The following GPHN variants were observed in gnomAD, a reference collection of about 807,000 sequenced individuals.
GPHN encodes gephyrin.
In GPHN, 17 loss-of-function variants were observed where a neutral mutation model predicts 95.5. The ratio of observed to expected loss-of-function variants is 0.18; its 90% CI spans 0.12 to 0.27. The LOEUF (loss-of-function observed/expected upper bound fraction) is 0.27, where lower values mean the gene tolerates loss of function less well. Among genes scored for constraint, GPHN ranks in the 10% least tolerant of loss-of-function variants. The pLI is 1.00. For synonymous variants in GPHN, 320 were observed against 322.5 expected, an observed-to-expected ratio of 0.99 and a Z score of 0.08; for missense variants, 660 against 978.1, an observed-to-expected ratio of 0.67 and a Z score of 4.34.
the GPHN span, among the ~76,000 whole-genome samples, chr14:67,554,442 C>T: frequency 5.3e-5 from 8 of 152,172 alleles, no homozygotes; most frequent in Non-Finnish European, 8.8e-5. Flanking sequence ...TGTCCAGCCT[C>T]GTGGAAGGCG....
At chr14:67,603,602 C>T in the GPHN span, among the ~76,000 whole-genome samples, 1 of 152,210 alleles carries the variant, frequency 6.6e-6, no homozygotes, top group Non-Finnish European at 1.5e-5. Context: ...TTCCTGTTGC[C>T]TTGGCCTCCT....
chr14:67,193,113 T>C, the GPHN span, among the ~76,000 whole-genome samples: 84 of 142,154 alleles, frequency 5.9e-4, no homozygotes, highest in African/African-American at 1.9e-3. Context: ...TCTATATAGA[T>C]ATCTCTCTAT....
the GPHN span, among the ~76,000 whole-genome samples, chr14:67,445,857 C>T: frequency 7.2e-5 from 11 of 152,166 alleles, no homozygotes; most frequent in African/African-American, 2.6e-4. Flanking sequence ...AAGGTGCTGG[C>T]ATTAGAGGCA....
the GPHN span, among the ~76,000 whole-genome samples, chr14:67,252,449 T>C: frequency 6.6e-6 from 1 of 152,140 alleles, no homozygotes; most frequent in Non-Finnish European, 1.5e-5. Flanking sequence ...GCCACCGTGC[T>C]CAGCATTTAG....
chr14:66,772,722 C>G (rs1245097466), intron 2 of GPHN, among the ~76,000 whole-genome samples: 2 of 152,056 alleles, frequency 1.3e-5, no homozygotes, highest in South Asian at 4.2e-4. Flanking sequence ...ATCACCTCAG[C>G]CCTGTTATTT....
chr14:67,389,775 CTT>C, the GPHN span, among the ~76,000 whole-genome samples: 1,786 of 137,318 alleles, frequency 0.013, 32 homozygotes, highest in African/African-American at 0.04. Flanking sequence ...TGTTTTTTTT[CTT>C]TTTTTTTTTT....
intron 4 of GPHN, among the ~76,000 whole-genome samples, chr14:66,868,038 A>G (rs2063293056): frequency 2.0e-5 from 3 of 152,222 alleles, no homozygotes; most frequent in Admixed American, 1.3e-4. Context: ...CAAGGCTTCT[A>G]GAAGATTCTG....
intron 1 of GPHN, among the ~76,000 whole-genome samples, chr14:66,672,388 T>C (rs551450313): frequency 6.6e-6 from 1 of 152,296 alleles, no homozygotes; most frequent in East Asian, 1.9e-4. Flanking sequence ...TCTGCTTTTA[T>C]TGGATGAAGT....
At chr14:67,135,123 C>G (rs1261408485) in intron 17 of GPHN, among the ~76,000 whole-genome samples, 1 of 151,860 alleles carries the variant, frequency 6.6e-6, no homozygotes, top group African/African-American at 2.4e-5. Flanking sequence ...CCACACCCAA[C>G]TAATTTTTAT....
At chr14:66,577,424 T>C (rs2140425729) in intron 1 of GPHN, among the ~76,000 whole-genome samples, 1 of 152,276 alleles carries the variant, frequency 6.6e-6, no homozygotes, top group Admixed American at 6.5e-5. Flanking sequence ...CAGTGCTTCT[T>C]AAGTTTCAGT....
intron 1 of GPHN, among the ~76,000 whole-genome samples, chr14:66,659,081 T>A (rs117054137): frequency 0.012 from 1,840 of 152,178 alleles, 20 homozygotes; most frequent in Non-Finnish European, 0.018. Flanking sequence ...TATTGCTATA[T>A]TGTCCGTATA....
intron 4 of GPHN, among the ~76,000 whole-genome samples, chr14:66,874,371 C>T (rs918806717): frequency 2.6e-5 from 4 of 152,262 alleles, no homozygotes; most frequent in Admixed American, 6.5e-5. Flanking sequence ...CACAACTCCT[C>T]GCCAGCAAGG....
At chr14:67,287,004 G>A in the GPHN span, among the ~76,000 whole-genome samples, 151 of 152,248 alleles carry the variant, frequency 9.9e-4, no homozygotes, top group African/African-American at 3.3e-3. Flanking sequence ...GATCACTTGA[G>A]TCCAGGAGTT....
chr14:66,982,848 A>G (rs1332971823), intron 9 of GPHN, among the ~76,000 whole-genome samples: 1 of 152,188 alleles, frequency 6.6e-6, no homozygotes, highest in African/African-American at 2.4e-5. Flanking sequence ...AGTATGAATA[A>G]AAATAGCTAA....
chr14:67,283,348 T>C, the GPHN span, among the ~76,000 whole-genome samples: 1 of 152,224 alleles, frequency 6.6e-6, no homozygotes, highest in African/African-American at 2.4e-5. Flanking sequence ...CTTTCAGATT[T>C]CATTCTGGCA....
chr14:66,858,416 G>T (rs559887467), intron 4 of GPHN, among the ~76,000 whole-genome samples: 3 of 151,910 alleles, frequency 2.0e-5, no homozygotes, highest in African/African-American at 7.2e-5. Flanking sequence ...CACACCCTGG[G>T]CCAGAAGGGA....
chr14:66,650,662 T>C (rs1029230157), intron 1 of GPHN, among the ~76,000 whole-genome samples: 4 of 152,200 alleles, frequency 2.6e-5, no homozygotes, highest in African/African-American at 7.2e-5. Context: ...ATGCTTGTTT[T>C]TGTATGATGT....
chr14:66,913,809 A>C (rs2065787310), intron 5 of GPHN, among the ~76,000 whole-genome samples: 1 of 152,186 alleles, frequency 6.6e-6, no homozygotes, highest in Non-Finnish European at 1.5e-5. Flanking sequence ...TATTTGATAA[A>C]TATTGGAATA....
At chr14:66,733,915 T>C (rs1474796297) in intron 2 of GPHN, among the ~76,000 whole-genome samples, 1 of 152,214 alleles carries the variant, frequency 6.6e-6, no homozygotes, top group East Asian at 1.9e-4. Flanking sequence ...GGTTTTTTAG[T>C]ATTTTTCCTT....
Sources: gnomAD v4.1 joint callset for allele counts (sites outside exome capture counted in the v4.1 genomes callset) on GRCh38, gnomAD v4.1.1 for gene constraint, MANE v1.5 for transcripts, NCBI Gene and HGNC (gene_info 2026-07-23, HGNC 2026-07-21) for gene names.